Variants in USP33 observed in about 807,000 individuals in gnomAD.
The protein encoded by USP33 is ubiquitin carboxyl-terminal hydrolase 33.
A neutral mutation model predicts 124.2 loss-of-function variants in USP33; 46 were observed. The ratio of observed to expected loss-of-function variants is 0.37; its 90% confidence interval spans 0.29 to 0.47. The LOEUF (loss-of-function observed/expected upper bound fraction) is 0.47, where lower values mean the gene tolerates loss of function less well. Ranked by LOEUF, USP33 falls within the 20% of genes least tolerant of loss-of-function variation. The pLI is 0.99. For synonymous variants in USP33, 350 were observed against 352.3 expected (o/e 0.99, Z 0.07); for missense variants, 851 against 1,070.6 (o/e 0.79, Z 2.86).
At chr1:77,722,333 T>C in intron 12 of USP33, 137 bp from the exon 13 acceptor site, 3 of 816,846 alleles carry the variant, frequency 3.7e-6, no homozygotes, top group Non-Finnish European at 3.7e-6. Flanking sequence ...ACACGCAAAT[T>C]GAACTGCTTT....
At chr1:77,742,164 AC>A (rs1679194952) in intron 1 of USP33, among the ~76,000 whole-genome samples, 1 of 151,996 alleles carries the variant, frequency 6.6e-6, no homozygotes, top group African/African-American at 2.4e-5. Flanking sequence ...AAAAAAAAAA[AC>A]TTCAAGTAGA....
chr1:77,716,770 G>A (rs1368053702), intron 17 of USP33, among the ~76,000 whole-genome samples: 1 of 152,146 alleles, frequency 6.6e-6, no homozygotes, highest in Non-Finnish European at 1.5e-5. Flanking sequence ...CAGCCCTCCA[G>A]AAGGGTTTGT....
chr1:77,703,501 G>A (rs1021775382), intron 21 of USP33, among the ~76,000 whole-genome samples: 3 of 152,190 alleles, frequency 2.0e-5, no homozygotes, highest in African/African-American at 7.2e-5. Flanking sequence ...GTGGGTGCCT[G>A]TAATCCCAGC....
At chr1:77,713,015 TTAAAA>T (rs1675442694) in intron 20 of USP33, among the ~76,000 whole-genome samples, 180 bp downstream of exon 20, 1 of 152,010 alleles carries the variant, frequency 6.6e-6, no homozygotes, top group Admixed American at 6.6e-5. Flanking sequence ...TTAGAAAAAA[TTAAAA>T]TTAATTATCT....
At chr1:77,722,283 G>T in intron 12 of USP33, 87 bp from the exon 13 acceptor site, 2 of 1,269,504 alleles carry the variant, frequency 1.6e-6, no homozygotes, top group Non-Finnish European at 2.1e-6. Flanking sequence ...AAAGATCAAA[G>T]CATGTTTAAA....
intron 21 of USP33, among the ~76,000 whole-genome samples, chr1:77,706,211 T>C (rs1674610072): frequency 6.6e-6 from 1 of 152,218 alleles, no homozygotes; most frequent in Non-Finnish European, 1.5e-5. Context: ...GAGTTGAACC[T>C]ACAAGAAATT....
chr1:77,715,104 A>G (rs558313726), intron 18 of USP33, among the ~76,000 whole-genome samples: 4 of 152,204 alleles, frequency 2.6e-5, no homozygotes, highest in African/African-American at 9.6e-5. Context: ...CTAAAAAAAA[A>G]CAAATATTTT....
intron 1 of USP33, 126 bp from the exon 2 acceptor site, chr1:77,741,874 A>G (rs1039811230): frequency 1.4e-5 from 13 of 946,866 alleles, no homozygotes; most frequent in Admixed American, 7.4e-5. Context: ...TAAGAATGAT[A>G]TAAGTTTGCC....
intron 6 of USP33, among the ~76,000 whole-genome samples, chr1:77,734,677 G>A (rs1427103152): frequency 1.3e-5 from 2 of 152,256 alleles, no homozygotes; most frequent in East Asian, 1.9e-4. Context: ...TTAAGACTAC[G>A]TGTTTTTAAA....
chr1:77,739,535 A>T, intron 4 of USP33, 118 bp from the exon 5 acceptor site: 1 of 963,322 alleles, frequency 1.0e-6, no homozygotes. Flanking sequence ...AATATACTCA[A>T]AAGCTAATTT....
At chr1:77,749,015 G>T (rs937897216) in intron 1 of USP33, among the ~76,000 whole-genome samples, 6 of 151,944 alleles carry the variant, frequency 3.9e-5, no homozygotes, top group Non-Finnish European at 8.8e-5. Context: ...ATGGGGATTG[G>T]GCAATTAACA....
chr1:77,722,364 A>C (rs1165995743), intron 12 of USP33, 168 bp from the exon 13 acceptor site: 10 of 641,170 alleles, frequency 1.6e-5, no homozygotes, highest in South Asian at 1.1e-4. Flanking sequence ...ATAGCAAAAA[A>C]AAAAACAAAA....
intron 17 of USP33, among the ~76,000 whole-genome samples, chr1:77,717,285 C>A (rs895041213): frequency 6.6e-6 from 1 of 151,968 alleles, no homozygotes; most frequent in Non-Finnish European, 1.5e-5. Context: ...GTCAGGAGAT[C>A]GAGACCATCC....
intron 1 of USP33, among the ~76,000 whole-genome samples, chr1:77,753,072 T>G (rs1680488784): frequency 6.6e-6 from 1 of 151,824 alleles, no homozygotes; most frequent in African/African-American, 2.4e-5. Context: ...AGAGCAAAAC[T>G]CCATCTCAAA....
Position 77,728,719 on chromosome 1 carries a change from T to C in USP33, c.718-7A>G, listed in dbSNP as rs200237829. The C allele has an allele frequency of 6.2e-7, 1 of 1,608,630 alleles. No homozygotes were observed. The highest frequency in any genetic ancestry group is 1.1e-5 in the South Asian group (1 of 90,208). On this transcript the variant is annotated splice_region_variant and splice_polypyrimidine_tract_variant and intron_variant, in intron 9 of 23. Coordinates refer to ENST00000370794, the MANE Select transcript of USP33 (RefSeq NM_201624.3). ...GAAGGAATTCTTGAGCATCCTAATA[T>C]ATCAGCAACATAATGTTAACCACTT...
rs368533573 is a variant in USP33, at chr1:77,728,409, T to C, written c.1021A>G (p.Ile341Val). Residue 341 changes from isoleucine to valine, a missense_variant, in exon 10 of 24, where the codon ATT becomes GTT. Coordinates refer to ENST00000370794, the MANE Select transcript of USP33 (RefSeq NM_201624.3). ...DWQKEKMCNK[I>V]NKVNSEGEFD... Reference sequence around the variant, plus strand: ...TCGCCTTCAGAATTTACTTTATTAATCTTATTGCACATCTTCTCTTTTTGC... The same window carrying C: ...TCGCCTTCAGAATTTACTTTATTAACCTTATTGCACATCTTCTCTTTTTGC... The C allele has an allele frequency of 7.4e-6, 12 of 1,613,982 alleles. No individual in the cohort carries two copies. The highest frequency in any genetic ancestry group is 1.6e-4 in the Middle Eastern group (1 of 6,080).
Position 77,729,851 on chromosome 1 carries a change from T to C in USP33, c.717+9A>G, listed in dbSNP as rs1159806843. ...GATTAAAATTACAAATGAAAAGCAA[T>C]AAACTAACCTGCTGAGAATACCCCC... On this transcript the variant is annotated intron_variant, in intron 9 of 23. Transcript: ENST00000370794. The C allele has an allele frequency of 1.9e-6, 3 of 1,609,720 alleles. No homozygotes were observed. The highest frequency in any genetic ancestry group is 3.4e-5 in the Admixed American group (2 of 59,118).
At position 77,697,885 on chromosome 1, in the gene USP33, A is replaced by G. The variant is rs61750804; in HGVS notation, c.2556T>C (p.Cys852=). Residue 852 remains cysteine, a synonymous_variant, in exon 23 of 24, where the codon TGT becomes TGC. Coordinates refer to ENST00000370794, the MANE Select transcript of USP33 (RefSeq NM_201624.3). The part of the protein sequence containing the change: ...IDNTKIAVTK[C]GNVMLRQGAD... ...TACCTTGCCTAAGCATCACATTACCACATTTAGTGACTGCAATCTTAGTAT... is the reference window on the plus strand; with the variant it reads ...TACCTTGCCTAAGCATCACATTACCGCATTTAGTGACTGCAATCTTAGTAT... The G allele has an allele frequency of 2.2e-5, 36 of 1,610,896 alleles. No homozygotes were observed. The highest frequency in any genetic ancestry group is 3.0e-5 in the Non-Finnish European group (35 of 1,179,214).
At chr1:77,700,000 C>T (rs1673822635) in intron 22 of USP33, among the ~76,000 whole-genome samples, 1 of 150,886 alleles carries the variant, frequency 6.6e-6, no homozygotes, top group Admixed American at 6.6e-5. Context: ...AACAAGAACA[C>T]AAGGACACAG....
Sources: allele counts gnomAD v4.1 joint callset (sites outside exome capture counted in the v4.1 genomes callset), GRCh38; gene constraint gnomAD v4.1.1; transcripts MANE v1.5; gene names NCBI Gene and HGNC (gene_info 2026-07-23, HGNC 2026-07-21).